METAP1: variants seen among roughly 807,000 people sequenced by gnomAD.
The protein encoded by METAP1 is methionine aminopeptidase 1.
METAP1 carries 28 observed loss-of-function variants against 53.8 expected under a neutral mutation model. That is an observed-to-expected ratio of 0.52 (90% CI 0.39 to 0.71). The LOEUF (loss-of-function observed/expected upper bound fraction) is 0.71, where lower values mean the gene tolerates loss of function less well. Ranked by LOEUF, METAP1 falls within the 30% of genes least tolerant of loss-of-function variation. The pLI is 0.00. For synonymous variants in METAP1, 181 were observed against 165.7 expected (o/e 1.09, Z -0.71); for missense variants, 389 against 479.8 (o/e 0.81, Z 1.77).
intron 9 of METAP1, among the ~76,000 whole-genome samples, chr4:99,057,442 CT>C (rs989768263): frequency 2.6e-5 from 4 of 152,182 alleles, no homozygotes; most frequent in African/African-American, 9.6e-5. Context: ...AATCAAGGCA[CT>C]TTTCTTTTAT....
Position 99,061,136 on chromosome 4 carries a change from T to C in METAP1, c.998-18T>C, listed in dbSNP as rs774626346. On this transcript the variant is annotated intron_variant, in intron 10 of 10. Coordinates refer to ENST00000296411, the MANE Select transcript of METAP1 (RefSeq NM_015143.3). ...TAGAAAACTGAGTGAACTAAGAAAT[T>C]GTTTTTGTTTGTTGAAGGCGGATGG... The C allele has an allele frequency of 5.3e-5, 85 of 1,600,326 alleles. No homozygotes were observed. The highest frequency in any genetic ancestry group is 6.9e-5 in the Non-Finnish European group (81 of 1,173,594).
chr4:99,020,763 G>A (rs901759064), intron 1 of METAP1, among the ~76,000 whole-genome samples: 1 of 152,110 alleles, frequency 6.6e-6, no homozygotes, highest in Non-Finnish European at 1.5e-5. Context: ...GTCTTCATTC[G>A]AGCCATATTT....
chr4:99,036,426 C>CA, intron 4 of METAP1, among the ~76,000 whole-genome samples: 1 of 152,028 alleles, frequency 6.6e-6, no homozygotes. Context: ...TTTAGAAAAA[C>CA]AATCATAGAC....
At chr4:99,018,553 G>C (rs1045850888) in intron 1 of METAP1, among the ~76,000 whole-genome samples, 2 of 152,182 alleles carry the variant, frequency 1.3e-5, no homozygotes, top group African/African-American at 4.8e-5. Flanking sequence ...GATCTTGGCT[G>C]TCCTCAGCCA....
intron 9 of METAP1, among the ~76,000 whole-genome samples, chr4:99,052,177 A>G (rs1022789552): frequency 6.6e-6 from 1 of 152,150 alleles, no homozygotes; most frequent in African/African-American, 2.4e-5. Flanking sequence ...ATTTAAAAAT[A>G]CTCTATTGCT....
chr4:98,996,131 G>A (rs1722611042), intron 1 of METAP1, among the ~76,000 whole-genome samples: 1 of 152,128 alleles, frequency 6.6e-6, no homozygotes, highest in Non-Finnish European at 1.5e-5. Context: ...AGCGGGCTGT[G>A]CGGGGTCGCG....
intron 4 of METAP1, chr4:99,038,082 AT>A (rs1725563687): frequency 6.6e-6 from 1 of 151,770 alleles, no homozygotes; most frequent in Non-Finnish European, 1.5e-5. Context: ...TAGCTTCTGT[AT>A]TTTTTAGCTG....
rs565074975 is a variant in METAP1, at chr4:98,999,239, A to G, written c.114+3372A>G. Reference sequence around the variant, plus strand: ...ATTAAATGTTTGAATTAATGGATAAATGCATCAAAATAGAGAGGTATACTG... The same window carrying G: ...ATTAAATGTTTGAATTAATGGATAAGTGCATCAAAATAGAGAGGTATACTG... On this transcript the variant is annotated intron_variant, in intron 1 of 10. Transcript: ENST00000296411. 2.0e-5 allele frequency among the ~76,000 whole-genome samples: 3 copies of G among 152,252 alleles called. No homozygotes were observed. The South Asian group carries it at 6.2e-4, about 32-fold the overall frequency.
intron 9 of METAP1, among the ~76,000 whole-genome samples, chr4:99,056,219 A>G (rs1727107757): frequency 6.6e-6 from 1 of 152,196 alleles, no homozygotes; most frequent in African/African-American, 2.4e-5. Flanking sequence ...AAGCTGATGT[A>G]TTAGCCATCT....
In METAP1 at chr4:98,995,851, C is replaced by G; in HGVS notation, c.98C>G (p.Ser33Trp). Residue 33 changes from serine to tryptophan, a missense_variant, in exon 1 of 11, where the codon TCG (serine) becomes TGG (tryptophan). Transcript: ENST00000296411. ...TGCATCAAGCTGGGCATCCAGGGCT[C>G]GTACTTCTGCTCGCAGGTAGGCGCC... The part of the protein sequence containing the change: ...PTCIKLGIQG[S>W]YFCSQECFKG... The G allele has an allele frequency of 6.5e-7, 1 of 1,541,624 alleles. No individual in the cohort carries two copies. Among genetic ancestry groups the G allele is most frequent in the Non-Finnish European group, 8.8e-7 (1 of 1,142,360 alleles).
intron 1 of METAP1, chr4:99,022,383 G>T: frequency 1.2e-6 from 1 of 864,946 alleles, no homozygotes; most frequent in Non-Finnish European, 1.7e-6. Flanking sequence ...TCCTGGCCAG[G>T]AGTGCTTTGT....
At chr4:99,004,784 T>C (rs905984579) in intron 1 of METAP1, among the ~76,000 whole-genome samples, 14 of 152,354 alleles carry the variant, frequency 9.2e-5, no homozygotes, top group African/African-American at 3.4e-4. Context: ...ATGTATTCTT[T>C]TACAACATGC....
rs551213264 is a variant in METAP1, at chr4:99,026,116, T to C, written c.115-2751T>C. 21 of 512,900 alleles carry C rather than the reference T, an allele frequency of 4.1e-5. 1 individual carries two copies. In the East Asian group the frequency reaches 3.0e-3, roughly 73 times the overall value. The allele number at this position is 512,900 out of a possible 1,614,324, so 31.8% of individuals were successfully genotyped here. ...TTGGGCACATGTTGTCAGTACTCCC[T>C]GAGGCTGTCACTGGTGCATCCTTAA... On this transcript the variant is annotated intron_variant, in intron 1 of 10. Coordinates refer to ENST00000296411, the MANE Select transcript of METAP1 (RefSeq NM_015143.3).
chr4:98,997,171 TA>T (rs1388533776), intron 1 of METAP1, among the ~76,000 whole-genome samples: 1 of 152,188 alleles, frequency 6.6e-6, no homozygotes, highest in Non-Finnish European at 1.5e-5. Context: ...ATACAAATAA[TA>T]AAAGTGTTTT....
chr4:99,022,418 T>C, intron 1 of METAP1: 1 of 694,038 alleles, frequency 1.4e-6, no homozygotes, highest in South Asian at 3.3e-5. Flanking sequence ...TCCTAGGCAG[T>C]TGCCAGGTGA....
chr4:99,043,275 T>C lies in METAP1; in HGVS notation c.543T>C (p.Pro181=). The change falls in exon 7 of 11, where the codon CCT becomes CCC. Residue 181 remains proline, a synonymous_variant. Transcript: ENST00000296411. ...CATGTATTGCAAGAAATTGCTACCC[T>C]TCTCCCCTGAATTATTATAATTTCC... ...HLACIARNCY[P]SPLNYYNFPK... The C allele has an allele frequency of 6.2e-7, 1 of 1,600,190 alleles. No individual in the cohort carries two copies. The highest frequency in any genetic ancestry group is 1.1e-5 in the South Asian group (1 of 89,602).
chr4:99,020,506 C>G (rs1401998640), intron 1 of METAP1, among the ~76,000 whole-genome samples: 2 of 152,090 alleles, frequency 1.3e-5, no homozygotes, highest in Admixed American at 6.5e-5. Flanking sequence ...GGAGGCGGGA[C>G]TACCACCTGA....
rs376672818 is a variant in METAP1, at chr4:99,041,114, C to T, written c.504C>T (p.His168=). The part of the protein sequence containing the change: ...KPGVTTEEID[H]AVHLACIARN... ...GTGTAACTACTGAAGAAATAGATCA[C>T]GCTGTACACTTAGTAAGAACTTCAC... Residue 168 remains histidine (H), a synonymous_variant, in exon 6 of 11, where the codon CAC becomes CAT. Coordinates refer to ENST00000296411, the MANE Select transcript of METAP1 (RefSeq NM_015143.3). 3.0e-5 allele frequency: 48 copies of T among 1,600,502 alleles called. No individual in the cohort carries two copies. Among genetic ancestry groups the T allele is most frequent in the African/African-American group, 8.0e-5 (6 of 74,814 alleles).
intron 3 of METAP1, 48 bp downstream of exon 3, chr4:99,034,390 A>G: frequency 9.2e-7 from 1 of 1,084,014 alleles, no homozygotes; most frequent in Non-Finnish European, 1.4e-6. Flanking sequence ...TGAATTTTCC[A>G]AAAATGATAC....
Sources: allele counts gnomAD v4.1 joint callset (sites outside exome capture counted in the v4.1 genomes callset), GRCh38; gene constraint gnomAD v4.1.1; transcripts MANE v1.5; gene names NCBI Gene and HGNC (gene_info 2026-07-23, HGNC 2026-07-21).